Variants in MCM5 observed in about 807,000 individuals in gnomAD.
MCM5 encodes DNA replication licensing factor MCM5.
MCM5 carries 46 observed loss-of-function variants against 79.9 expected under a neutral mutation model. The observed-to-expected ratio is 0.58, with a 90% confidence interval of 0.45 to 0.74. MCM5 has a LOEUF of 0.74. Ranked by LOEUF, MCM5 falls within the 30% of genes least tolerant of loss-of-function variation. The pLI, the probability that MCM5 is intolerant of heterozygous loss-of-function variation, is 0.00. For synonymous variants in MCM5, 404 were observed against 390.5 expected, an observed-to-expected ratio of 1.03 and a Z score of -0.41; for missense variants, 883 against 1,017.0, an observed-to-expected ratio of 0.87 and a Z score of 1.79.
At chr22:35,440,839 C>T in the MCM5 span, among the ~76,000 whole-genome samples, 6 of 152,080 alleles carry the variant, frequency 3.9e-5, no homozygotes, top group African/African-American at 1.4e-4. Context: ...GGGCCAATCA[C>T]CTGAGGTCAG....
chr22:35,410,925 G>T lies in MCM5; in HGVS notation c.919+15G>T. On this transcript the variant is annotated intron_variant, in intron 7 of 16. Transcript: ENST00000216122. ...AGATGGCTCTGGTGAGTTGGCTTTG[G>T]GGTCCTGGCTTAGCCCTGCTAAAAG... is the stretch of plus-strand genomic sequence containing the variant. The T allele has an allele frequency of 6.3e-7, 1 of 1,580,490 alleles. No homozygotes were observed. Among genetic ancestry groups the T allele is most frequent in the South Asian group, 1.2e-5 (1 of 86,710 alleles).
chr22:35,450,793 T>C, the MCM5 span, among the ~76,000 whole-genome samples: 2 of 148,892 alleles, frequency 1.3e-5, no homozygotes, highest in African/African-American at 5.0e-5. Context: ...GAGGAAAGAG[T>C]TGGGAATCCA....
chr22:35,402,201 C>T (rs1932075095), intron 2 of MCM5, among the ~76,000 whole-genome samples: 1 of 151,996 alleles, frequency 6.6e-6, no homozygotes, highest in Admixed American at 6.6e-5. Context: ...CCCAGGAGTT[C>T]AAGACCTGGC....
the MCM5 span, among the ~76,000 whole-genome samples, chr22:35,431,210 C>T: frequency 1.3e-4 from 20 of 152,214 alleles, no homozygotes; most frequent in Non-Finnish European, 2.2e-4. Context: ...GGCTCTGCTG[C>T]GTGACAGATC....
At chr22:35,421,483 G>T in intron 15 of MCM5, 23 bp downstream of exon 15, 3 of 1,613,884 alleles carry the variant, frequency 1.9e-6, no homozygotes, top group Non-Finnish European at 1.7e-6. Context: ...AGGGGCCATG[G>T]TCTCAATTGA....
the MCM5 span, among the ~76,000 whole-genome samples, chr22:35,444,673 G>A: frequency 0.79 from 119,718 of 151,520 alleles, 47,878 homozygotes; most frequent in African/African-American, 0.88. Flanking sequence ...GGTAATGGCC[G>A]TGATAATAAT....
chr22:35,412,735 A>G lies in MCM5; in HGVS notation c.1091+54A>G, dbSNP rs781629359. The G allele has an allele frequency of 1.7e-3, 2,280 of 1,359,196 alleles. 11 individuals are homozygous for G. Among genetic ancestry groups the G allele is most frequent in the Non-Finnish European group, 1.7e-3 (1,797 of 1,031,262 alleles). 84.2% of individuals were successfully genotyped at this position (1,359,196 alleles called of 1,614,324 possible). A position where few individuals can be genotyped will look rare whatever the true frequency, so the allele number is the denominator to read the frequency against. On this transcript the variant is annotated intron_variant, in intron 8 of 16. Transcript: ENST00000216122. ...GGAGGCGGCTGATGATGGGGCTCACAGTAGGATAATTACTGGATAATCAGG... is the reference window on the plus strand; with the variant it reads ...GGAGGCGGCTGATGATGGGGCTCACGGTAGGATAATTACTGGATAATCAGG...
intron 5 of MCM5, 52 bp from the exon 6 acceptor site, chr22:35,408,356 C>T (rs1336860634): frequency 8.3e-6 from 13 of 1,558,864 alleles, no homozygotes; most frequent in African/African-American, 2.7e-5. Context: ...ATGAGCCCTG[C>T]CTTTGGATTC....
intron 16 of MCM5, 65 bp from the exon 17 acceptor site, chr22:35,424,089 T>C (rs1418632802): frequency 1.9e-6 from 2 of 1,064,572 alleles, no homozygotes; most frequent in East Asian, 5.3e-5. Flanking sequence ...AGCCTGGGGA[T>C]GTCTGGGCTC....
the MCM5 span, among the ~76,000 whole-genome samples, chr22:35,453,606 TAGAGAC>T: frequency 1.4e-5 from 2 of 142,728 alleles, no homozygotes; most frequent in African/African-American, 5.3e-5. Context: ...GAGACATAAA[TAGAGAC>T]AGAGAGATAA....
rs199613883 is a variant in MCM5, at chr22:35,415,922, G to A, written c.1297G>A (p.Ala433Thr). 6.2e-7 allele frequency: 1 copy of A among 1,614,192 alleles called. No individual in the cohort carries two copies. Among genetic ancestry groups the A allele is most frequent in the East Asian group, 2.2e-5 (1 of 44,884 alleles). The change falls in exon 10 of 17, where the codon GCC becomes ACC. Residue 433 changes from alanine (A) to threonine (T), a missense_variant. Around this residue, in one of 3 missense-constraint regions of MCM5, gnomAD observed 426 missense variants for 482.3 expected, o/e 0.88. Coordinates refer to ENST00000216122, the MANE Select transcript of MCM5 (RefSeq NM_006739.4). ...CCGGAATTTCATCATGGAGGGCGGA[G>A]CCATGGTCCTGGCCGATGGTGGGGT... ...SSRNFIMEGG[A>T]MVLADGGVVC...
At chr22:35,448,860 C>T in the MCM5 span, among the ~76,000 whole-genome samples, 100 of 152,266 alleles carry the variant, frequency 6.6e-4, no homozygotes, top group Non-Finnish European at 1.0e-3. Flanking sequence ...CATCCATGGA[C>T]CACTGGGCCA....
rs1192359134 is a variant in MCM5, at chr22:35,420,006, CTG to C, written c.1829_1830del (p.Val610AlafsTer81). The C allele has an allele frequency of 1.2e-6, 2 of 1,609,536 alleles. No individual in the cohort carries two copies. The highest frequency in any genetic ancestry group is 2.7e-5 in the African/African-American group (2 of 74,876). On this transcript the variant is annotated frameshift_variant, in exon 14 of 17. Transcript: ENST00000216122. LOFTEE classifies it high-confidence loss of function. ...GACCGCCGCTCCAGCATCCCCATCA[CTG>C]TGCGGTGAGCAGGCGGGCAGGGCTG...
the MCM5 span, among the ~76,000 whole-genome samples, chr22:35,448,701 T>C: frequency 5.3e-5 from 8 of 152,156 alleles, no homozygotes; most frequent in Non-Finnish European, 1.0e-4. Flanking sequence ...TCATCTATTA[T>C]CATAATAATG....
At chr22:35,423,970 C>G (rs1932753037) in intron 16 of MCM5, 184 bp from the exon 17 acceptor site, 2 of 551,592 alleles carry the variant, frequency 3.6e-6, no homozygotes, top group Non-Finnish European at 6.5e-6. Flanking sequence ...TTGCTGTGAC[C>G]TTGAGCAAGT....
the MCM5 span, among the ~76,000 whole-genome samples, chr22:35,453,762 G>C: frequency 2.0e-5 from 3 of 148,992 alleles, no homozygotes; most frequent in Admixed American, 6.8e-5. Context: ...GACAGACAGA[G>C]AGGGACAAAT....
chr22:35,406,872 A>T, intron 5 of MCM5, 147 bp downstream of exon 5: 1 of 784,912 alleles, frequency 1.3e-6, no homozygotes, highest in East Asian at 2.7e-5. Flanking sequence ...ATTGGCACAG[A>T]TCTGATGCCC....
chr22:35,413,588 C>T (rs1467026317), intron 8 of MCM5, among the ~76,000 whole-genome samples: 1 of 152,164 alleles, frequency 6.6e-6, no homozygotes, highest in South Asian at 2.1e-4. Flanking sequence ...AGGAACGTTG[C>T]TCAGATGCTG....
chr22:35,416,626 G>A lies in MCM5; in HGVS notation c.1414-12G>A. 1 of 1,605,670 alleles carries A rather than the reference G, an allele frequency of 6.2e-7. No homozygotes were observed. On this transcript the variant is annotated splice_polypyrimidine_tract_variant and intron_variant, in intron 11 of 16. Transcript: ENST00000216122. ...CATCTCCTCCCCCTTTTCGTCGTCT[G>A]TCGCCTGTTAGGCTGGGATCACCAC...
Sources: gnomAD v4.1 joint callset for allele counts (sites outside exome capture counted in the v4.1 genomes callset) on GRCh38, gnomAD v4.1.1 for gene constraint, gnomAD v4.1.1 regional missense constraint, MANE v1.5 for transcripts, NCBI Gene and HGNC (gene_info 2026-07-23, HGNC 2026-07-21) for gene names.